P3R3URF: variants seen among roughly 807,000 people sequenced by gnomAD.
The protein encoded by P3R3URF is P3R3URF protein.
P3R3URF carries 6 observed loss-of-function variants against 8.0 expected under a neutral mutation model. That is an observed-to-expected ratio of 0.75 (90% CI 0.41 to 1.47). The LOEUF is 1.47. Ranked by LOEUF, P3R3URF falls within the 40% of genes most tolerant of loss-of-function variation. P3R3URF has a pLI of 0.01. For missense variants in P3R3URF, 121 were observed against 117.3 expected, an observed-to-expected ratio of 1.03 and a Z score of -0.14; for synonymous variants, 39 against 36.7, an observed-to-expected ratio of 1.06 and a Z score of -0.23.
rs751408151 is a variant in P3R3URF, at chr1:46,176,478, A to C, written c.-7T>G. 7.8e-6 allele frequency: 12 copies of C among 1,535,354 alleles called. No individual in the cohort carries two copies. In the South Asian group the frequency reaches 1.3e-4, roughly 17 times the overall value. On this transcript the variant is annotated 5_prime_UTR_variant, in exon 1 of 2. Coordinates refer to ENST00000506599, the MANE Select transcript of P3R3URF (RefSeq NM_001328655.2). Reference sequence around the variant, plus strand: ...CAAGCCGAGATGGCCCCATGGGCACAGGGAGCTTCTGCAGTGTGCCTGGGG... The same window carrying C: ...CAAGCCGAGATGGCCCCATGGGCACCGGGAGCTTCTGCAGTGTGCCTGGGG...
Position 46,175,570 on chromosome 1 carries a change from T to TAGCTTCTGGGCA in P3R3URF, c.*4_*15dup, listed in dbSNP as rs1553161473. On this transcript the variant is annotated 3_prime_UTR_variant, in exon 2 of 2. Coordinates refer to ENST00000506599, the MANE Select transcript of P3R3URF (RefSeq NM_001328655.2). ...TCCAGGGCAAACCAAGCTTCTGGGC[T>TAGCTTCTGGGCA]AGCTTCTGGGCACTTCTAGAGGATC... 6 of 398,750 alleles carry TAGCTTCTGGGCA rather than the reference T, an allele frequency of 1.5e-5. No individual in the cohort carries two copies. The South Asian group carries it at 7.9e-4, about 52-fold the overall frequency. 24.7% of individuals were successfully genotyped at this position (398,750 alleles called of 1,614,324 possible). A position where few individuals can be genotyped will look rare whatever the true frequency, so the allele number is the denominator to read the frequency against.
chr1:46,176,065 T>A (rs546064720), intron 1 of P3R3URF, among the ~76,000 whole-genome samples, 163 bp downstream of exon 1: 2 of 152,120 alleles, frequency 1.3e-5, no homozygotes, highest in Non-Finnish European at 2.9e-5. Flanking sequence ...TTAGTAGAGA[T>A]GGGATTTCAC....
At chr1:46,175,691 T>C in intron 1 of P3R3URF, 62 bp from the exon 2 acceptor site, 1 of 399,854 alleles carries the variant, frequency 2.5e-6, no homozygotes, top group Non-Finnish European at 4.4e-6. Flanking sequence ...GTTCCCTGCC[T>C]CTTGGATTCA....
intron 1 of P3R3URF, among the ~76,000 whole-genome samples, chr1:46,176,017 C>T (rs944647743): frequency 6.6e-6 from 1 of 152,164 alleles, no homozygotes; most frequent in Non-Finnish European, 1.5e-5. Context: ...GGACTAAAGG[C>T]GTGTGCCACC....
At chr1:46,176,022 G>GC (rs1215178663) in intron 1 of P3R3URF, among the ~76,000 whole-genome samples, 1 of 152,164 alleles carries the variant, frequency 6.6e-6, no homozygotes, top group Non-Finnish European at 1.5e-5. Context: ...AAAGGCGTGT[G>GC]CCACCACGCC....
At chr1:46,176,131 T>C (rs1208109232) in intron 1 of P3R3URF, 97 bp downstream of exon 1, 6 of 1,403,878 alleles carry the variant, frequency 4.3e-6, no homozygotes, top group East Asian at 2.5e-5. Flanking sequence ...CGCCTTGGCC[T>C]CCCAAAGTGC....
intron 1 of P3R3URF, chr1:46,175,916 A>G (rs1657131614): frequency 9.3e-6 from 4 of 428,766 alleles, no homozygotes; most frequent in Non-Finnish European, 1.6e-5. Flanking sequence ...TCTGTCACCC[A>G]GGCTGGAGTG....
At position 46,176,219 on chromosome 1, in the gene P3R3URF, C is replaced by T. The variant is rs1657153391; in HGVS notation, c.244+9G>A. 2.0e-6 allele frequency: 3 copies of T among 1,534,806 alleles called. No individual in the cohort carries two copies. Among genetic ancestry groups the T allele is most frequent in the Non-Finnish European group, 2.6e-6 (3 of 1,146,408 alleles). On this transcript the variant is annotated intron_variant, in intron 1 of 1. Transcript: ENST00000506599. ...AACCCCACCCTGGCTCACAGGCCCCCTGGCTAACCTTGAGGTGGGAAGATC... is the reference window on the plus strand; with the variant it reads ...AACCCCACCCTGGCTCACAGGCCCCTTGGCTAACCTTGAGGTGGGAAGATC...
chr1:46,175,872 GTTTT>G, intron 1 of P3R3URF: 6 of 307,828 alleles, frequency 1.9e-5, no homozygotes, highest in Admixed American at 4.8e-5. Flanking sequence ...ACTGGCTCTG[GTTTT>G]TTTTTTTTTT....
At chr1:46,176,171 A>G (rs1448471960) in intron 1 of P3R3URF, 57 bp downstream of exon 1, 26 of 1,527,110 alleles carry the variant, frequency 1.7e-5, no homozygotes, top group Middle Eastern at 1.7e-4. Context: ...CACCGCACCC[A>G]GCCTAGTGGC....
rs1157101481 is a variant in P3R3URF at position 46,176,175 on chromosome 1, T to C, written c.244+53A>G. On this transcript the variant is annotated intron_variant, in intron 1 of 1. Transcript: ENST00000506599. ...CAGGCATGAGCCACCGCACCCAGCC[T>C]AGTGGCTCTGTTTTTTAAAACCCCA... 3.9e-6 allele frequency: 6 copies of C among 1,530,438 alleles called. No individual in the cohort carries two copies. The Admixed American group carries it at 1.2e-4, about 30-fold the overall frequency. 94.8% of individuals were successfully genotyped at this position (1,530,438 alleles called of 1,614,324 possible). A position where few individuals can be genotyped will look rare whatever the true frequency, so the allele number is the denominator to read the frequency against.
Position 46,175,609 on chromosome 1 carries a change from G to A in P3R3URF, c.265C>T (p.Pro89Ser), listed in dbSNP as rs1482213890. 2 of 399,000 alleles carry A rather than the reference G, an allele frequency of 5.0e-6. No homozygotes were observed. Among genetic ancestry groups the A allele is most frequent in the Non-Finnish European group, 8.8e-6 (2 of 226,488 alleles). 24.7% of individuals were successfully genotyped at this position (399,000 alleles called of 1,614,324 possible). ...PPQVLRHLRQ[P>S]GIFLIL The stretch of plus-strand genomic sequence containing the variant: ...TTCTAGAGGATCAGAAAAATCCCAG[G>A]TTGCCTGAGATGTCTGAGAACTGAG... The change falls in exon 2 of 2, where the codon CCT becomes TCT. Residue 89 changes from proline (P) to serine (S), a missense_variant. Transcript: ENST00000506599.
rs184633285 is a variant in P3R3URF at position 46,176,090 on chromosome 1, T to A, written c.244+138A>T. The A allele has an allele frequency of 1.2e-4, 107 of 895,302 alleles. No individual in the cohort carries two copies. The African/African-American group carries it at 1.4e-3, about 12-fold the overall frequency. 55.5% of individuals were successfully genotyped at this position (895,302 alleles called of 1,614,324 possible). A position where few individuals can be genotyped will look rare whatever the true frequency, so the allele number is the denominator to read the frequency against. Reference sequence around the variant, plus strand: ...TGGGATTTCACCGTGTTAGCCAGGATGGTCTCGATCTCCTGACCTTGTGAT... The same window carrying A: ...TGGGATTTCACCGTGTTAGCCAGGAAGGTCTCGATCTCCTGACCTTGTGAT... On this transcript the variant is annotated intron_variant, in intron 1 of 1. Transcript: ENST00000506599.
At chr1:46,176,004 C>G (rs746562130) in intron 1 of P3R3URF, among the ~76,000 whole-genome samples, 10 of 152,160 alleles carry the variant, frequency 6.6e-5, no homozygotes, top group Non-Finnish European at 1.3e-4. Context: ...TCCCAAGTAG[C>G]TGGGACTAAA....
rs1657157012 is a variant in P3R3URF, at chr1:46,176,300, G to T, written c.172C>A (p.Pro58Thr). 4 of 1,535,660 alleles carry T rather than the reference G, an allele frequency of 2.6e-6. No homozygotes were observed. Among genetic ancestry groups the T allele is most frequent in the Non-Finnish European group, 3.5e-6 (4 of 1,146,926 alleles). Residue 58 changes from proline (P) to threonine (T), a missense_variant, in exon 1 of 2, where the codon CCT becomes ACT. Physicochemically the swap from Pro to Thr is conservative, Grantham distance 38. Coordinates refer to ENST00000506599, the MANE Select transcript of P3R3URF (RefSeq NM_001328655.2). Reference protein sequence around the residue: ...GRTASSAAINPATRAMGINNT... With the variant: ...GRTASSAAINTATRAMGINNT... Reference sequence around the variant, plus strand: ...TTGATACCCATGGCCCTGGTGGCAGGATTGATGGCTGCACTGCTGGCAGTT... The same window carrying T: ...TTGATACCCATGGCCCTGGTGGCAGTATTGATGGCTGCACTGCTGGCAGTT...
In P3R3URF at chr1:46,175,883, T is replaced by C. The variant is rs896104310; in HGVS notation, c.245-254A>G. The C allele has an allele frequency of 1.9e-3, 740 of 392,946 alleles. 2 individuals are homozygous for C. The highest frequency in any genetic ancestry group is 2.6e-3 in the Admixed American group (63 of 23,838). The allele number at this position is 392,946 out of a possible 1,614,324, so 24.3% of individuals were successfully genotyped here. A position where few individuals can be genotyped will look rare whatever the true frequency, so the allele number is the denominator to read the frequency against. On this transcript the variant is annotated intron_variant, in intron 1 of 1. Transcript: ENST00000506599. ...CTTCACTGGCTCTGGTTTTTTTTTT[T>C]TTTTCTTGAGACAGAGTCTAGCTCT...
At position 46,176,294 on chromosome 1, in the gene P3R3URF, T is replaced by G; in HGVS notation, c.178A>C (p.Thr60Pro). ...TASSAAINPA[T>P]RAMGINNTHT... ...GTGTTGTTGATACCCATGGCCCTGG[T>G]GGCAGGATTGATGGCTGCACTGCTG... Residue 60 changes from threonine to proline, a missense_variant, in exon 1 of 2, where the codon ACC (threonine) becomes CCC (proline). By Grantham distance (38) the Thr-to-Pro change is conservative. Coordinates refer to ENST00000506599, the MANE Select transcript of P3R3URF (RefSeq NM_001328655.2). 2 of 1,535,778 alleles carry G rather than the reference T, an allele frequency of 1.3e-6. No individual in the cohort carries two copies. The highest frequency in any genetic ancestry group is 1.7e-6 in the Non-Finnish European group (2 of 1,146,914).
rs541724683 is a variant in P3R3URF at position 46,176,058 on chromosome 1, G to A, written c.244+170C>T. Among the ~76,000 whole-genome samples, 51 of 152,218 alleles carry A rather than the reference G, an allele frequency of 3.4e-4. 1 individual carries two copies. The South Asian group carries it at 8.9e-3, about 27-fold the overall frequency. On this transcript the variant is annotated intron_variant, in intron 1 of 1. Transcript: ENST00000506599. ...CGGCTAATTTTTTTTTGTATTTTTA[G>A]TAGAGATGGGATTTCACCGTGTTAG... is the stretch of plus-strand genomic sequence containing the variant.
In P3R3URF at chr1:46,176,448, A is replaced by ACGGACAAG. The variant is rs746761248; in HGVS notation, c.16_23dup (p.Gly9LeufsTer69). 6.5e-7 allele frequency: 1 copy of ACGGACAAG among 1,535,748 alleles called. No individual in the cohort carries two copies. The highest frequency in any genetic ancestry group is 1.2e-5 in the South Asian group (1 of 84,064). On this transcript the variant is annotated frameshift_variant, in exon 1 of 2. Transcript: ENST00000506599. LOFTEE classifies it high-confidence loss of function. ...AACGCATGCCCTGGGGCCGAGGGCC[A>ACGGACAAG]CGGACAAGCCGAGATGGCCCCATGG...
Sources: allele counts gnomAD v4.1 joint callset (sites outside exome capture counted in the v4.1 genomes callset), GRCh38; gene constraint gnomAD v4.1.1; transcripts MANE v1.5; gene names NCBI Gene and HGNC (gene_info 2026-07-23, HGNC 2026-07-21).